The following SCLY variants were observed in gnomAD, a reference collection of about 807,000 sequenced individuals.
SCLY encodes selenocysteine lyase.
Under a neutral mutation model 50.1 loss-of-function variants are expected in SCLY, and 38 were observed. That is an observed-to-expected ratio of 0.76 (90% CI 0.59 to 0.99). The LOEUF (loss-of-function observed/expected upper bound fraction) is 0.99. SCLY is among the 50% of genes least tolerant of loss of function. SCLY has a pLI of 0.00. For missense variants in SCLY, 600 were observed against 620.0 expected, an observed-to-expected ratio of 0.97 and a Z score of 0.34; for synonymous variants, 243 against 249.4, an observed-to-expected ratio of 0.97 and a Z score of 0.24.
Position 238,083,170 on chromosome 2 carries a change from C to A in SCLY, c.778-78C>A. 1 of 990,100 alleles carries A rather than the reference C, an allele frequency of 1.0e-6. No individual in the cohort carries two copies. Among genetic ancestry groups the A allele is most frequent in the Non-Finnish European group, 1.6e-6 (1 of 612,254 alleles). The allele number at this position is 990,100 out of a possible 1,614,324, so 61.3% of individuals were successfully genotyped here. The stretch of plus-strand genomic sequence containing the variant: ...CATTGCAGAGCATTTCTCCTGTGTG[C>A]CCCTAAGCACTTAGCATGTATACAG... On this transcript the variant is annotated intron_variant, in intron 6 of 11. Coordinates refer to ENST00000254663, the MANE Select transcript of SCLY (RefSeq NM_016510.7). This position sits in a 1 kb window ranked among gnomAD's most constrained non-coding sequence, Gnocchi z 4.3.
chr2:238,093,190 C>T (rs34798549), intron 8 of SCLY: 90,765 of 152,532 alleles, frequency 0.6, 27,258 homozygotes, highest in Admixed American at 0.65. Context: ...TTCATGGCCA[C>T]CAACCCTAGA....
chr2:238,098,619 G>A lies in SCLY; in HGVS notation c.*264G>A, dbSNP rs368304491. On this transcript the variant is annotated 3_prime_UTR_variant, in exon 12 of 12. Transcript: ENST00000254663. The stretch of plus-strand genomic sequence containing the variant: ...ACCGCCCACATAGGACCGCCCACAT[G>A]GGACCGCCCACATGGGACCGCCCAC... 0.037 allele frequency: 7,610 copies of A among 206,832 alleles called. 453 individuals carry two copies. Among genetic ancestry groups the A allele is most frequent in the African/African-American group, 0.14 (3,161 of 22,702 alleles). 12.8% of individuals were successfully genotyped at this position (206,832 alleles called of 1,614,324 possible).
chr2:238,091,538 C>A, intron 8 of SCLY: 4 of 453,114 alleles, frequency 8.8e-6, no homozygotes, highest in Non-Finnish European at 8.1e-6. Flanking sequence ...AAGTGTCAAG[C>A]TGCAGGTTCA....
At chr2:238,075,765 C>G (rs530637166) in intron 4 of SCLY, among the ~76,000 whole-genome samples, 1 of 152,076 alleles carries the variant, frequency 6.6e-6, no homozygotes, top group South Asian at 2.1e-4. Flanking sequence ...CTGTCTTGTT[C>G]AATTTAGCTA....
chr2:238,066,724 A>G lies in SCLY; in HGVS notation c.203-1341A>G, dbSNP rs529811972. Among the ~76,000 whole-genome samples, 2 of 152,106 alleles carry G rather than the reference A, an allele frequency of 1.3e-5. No homozygotes were observed. Among genetic ancestry groups the G allele is most frequent in the Non-Finnish European group, 2.9e-5 (2 of 68,016 alleles). On this transcript the variant is annotated intron_variant, in intron 2 of 11. Coordinates refer to ENST00000254663, the MANE Select transcript of SCLY (RefSeq NM_016510.7). This position sits in a 1 kb window ranked among gnomAD's most constrained non-coding sequence, Gnocchi z 4.1. ...CGCTTTTGCCCTGGGCTGCTGAGGGATGGAGTTGCCATTTCCTGAGTGTAT... is the reference window on the plus strand; with the variant it reads ...CGCTTTTGCCCTGGGCTGCTGAGGGGTGGAGTTGCCATTTCCTGAGTGTAT...
intron 7 of SCLY, among the ~76,000 whole-genome samples, chr2:238,086,133 G>A (rs575574493): frequency 4.6e-5 from 7 of 152,306 alleles, no homozygotes; most frequent in South Asian, 2.1e-4. Context: ...AGAGAAAACC[G>A]TCAAGCTAGA....
chr2:238,079,153 C>T (rs1378696920), intron 4 of SCLY: 1 of 147,988 alleles, frequency 6.8e-6, no homozygotes, highest in Non-Finnish European at 1.5e-5. Context: ...CAACTCACTA[C>T]AGCCTCAACC....
rs1256076740 is a variant in SCLY at position 238,096,703 on chromosome 2, G to A, written c.1109-98G>A. ...CTGGAATTCCACCAGGTGGCACAGAGGGAGGGAAGCAGCCTGCGCCCAGCA... is the reference window on the plus strand; with the variant it reads ...CTGGAATTCCACCAGGTGGCACAGAAGGAGGGAAGCAGCCTGCGCCCAGCA... On this transcript the variant is annotated intron_variant, in intron 10 of 11. Coordinates refer to ENST00000254663, the MANE Select transcript of SCLY (RefSeq NM_016510.7). 5.4e-6 allele frequency: 7 copies of A among 1,307,460 alleles called. No individual in the cohort carries two copies. The East Asian group carries it at 1.8e-4, about 33-fold the overall frequency. The allele number at this position is 1,307,460 out of a possible 1,614,324, so 81.0% of individuals were successfully genotyped here.
At chr2:238,082,788 G>C (rs1056983480) in intron 6 of SCLY, 1 of 216,164 alleles carries the variant, frequency 4.6e-6, no homozygotes, top group African/African-American at 2.3e-5. Flanking sequence ...GGTTTCCAAA[G>C]GAGTGTCTAT....
intron 11 of SCLY, 54 bp from the exon 12 acceptor site, chr2:238,098,148 T>C (rs1461744771): frequency 1.0e-5 from 16 of 1,583,554 alleles, no homozygotes; most frequent in Non-Finnish European, 1.4e-5. Flanking sequence ...GGGGGGGCTG[T>C]GTCTCTTCCA....
intron 4 of SCLY, chr2:238,078,513 GCTTACTA>G (rs1189436712): frequency 3.2e-4 from 48 of 151,994 alleles, no homozygotes; most frequent in Middle Eastern, 3.4e-3. Flanking sequence ...GTTGTCAAGG[GCTTACTA>G]TTTATGTATA....
At chr2:238,084,687 G>T (rs2065273144) in intron 7 of SCLY, among the ~76,000 whole-genome samples, 1 of 149,776 alleles carries the variant, frequency 6.7e-6, no homozygotes, top group African/African-American at 2.5e-5. Context: ...AAGGTCAGGA[G>T]ATCGAGACCA....
In SCLY at chr2:238,098,441, G is replaced by T. The variant is rs1003828995; in HGVS notation, c.*86G>T. The T allele has an allele frequency of 5.0e-6, 7 of 1,397,914 alleles. No individual in the cohort carries two copies. Among genetic ancestry groups the T allele is most frequent in the Non-Finnish European group, 6.7e-6 (7 of 1,050,570 alleles). 86.6% of individuals were successfully genotyped at this position (1,397,914 alleles called of 1,614,324 possible). A position where few individuals can be genotyped will look rare whatever the true frequency, so the allele number is the denominator to read the frequency against. On this transcript the variant is annotated 3_prime_UTR_variant, in exon 12 of 12. Transcript: ENST00000254663. ...CCTCCAGTTCCCTCCTGAGGGCTGT[G>T]CCAGGATGACTGTCTCATGCCCCCT...
Position 238,083,374 on chromosome 2 carries a change from A to G in SCLY, c.884+20A>G. 1 of 1,516,650 alleles carries G rather than the reference A, an allele frequency of 6.6e-7. No individual in the cohort carries two copies. Among genetic ancestry groups the G allele is most frequent in the Non-Finnish European group, 9.2e-7 (1 of 1,091,266 alleles). 93.9% of individuals were successfully genotyped at this position (1,516,650 alleles called of 1,614,324 possible). A position where few individuals can be genotyped will look rare whatever the true frequency, so the allele number is the denominator to read the frequency against. ...GCCAGGGTAAGGCAGAAAGTTAACA[A>G]AGTCTCTGACCTACTGACCGTGTCA... On this transcript the variant is annotated intron_variant, in intron 7 of 11. Coordinates refer to ENST00000254663, the MANE Select transcript of SCLY (RefSeq NM_016510.7). This position sits in a 1 kb window ranked among gnomAD's most constrained non-coding sequence, Gnocchi z 4.3.
At chr2:238,074,787 T>G (rs923954143) in intron 4 of SCLY, among the ~76,000 whole-genome samples, 2 of 152,198 alleles carry the variant, frequency 1.3e-5, no homozygotes, top group African/African-American at 4.8e-5. Context: ...CGTGGCCTAA[T>G]TGTTAGTTTC....
rs2065256561 is a variant in SCLY at position 238,083,252 on chromosome 2, A to G, written c.782A>G (p.Tyr261Cys). 1 of 1,609,748 alleles carries G rather than the reference A, an allele frequency of 6.2e-7. No individual in the cohort carries two copies. The highest frequency in any genetic ancestry group is 1.3e-5 in the African/African-American group (1 of 74,860). Residue 261 changes from tyrosine to cysteine, a missense_variant, in exon 7 of 12, where the codon TAT becomes TGT. Physicochemically the swap from Tyr to Cys is radical, Grantham distance 194 (BLOSUM62 -2). Transcript: ENST00000254663. This position sits in a 1 kb window ranked among gnomAD's most constrained non-coding sequence, Gnocchi z 4.3. ...ATGACCAACTTTTCCTTCCAGTTTT[A>G]TGGTCCCAGGATTGGCGCACTTTAT... is the stretch of plus-strand genomic sequence containing the variant. Reference protein sequence around the residue: ...DFLTIVGHKFYGPRIGALYIR... With the variant: ...DFLTIVGHKFCGPRIGALYIR...
chr2:238,091,556 CAAAG>C, intron 8 of SCLY: 57 of 348,998 alleles, frequency 1.6e-4, no homozygotes, highest in South Asian at 3.0e-4. Context: ...TCACCATTCC[CAAAG>C]GCGTCGGCAG....
At chr2:238,068,188 C>A (rs1006223526) in intron 3 of SCLY, 23 bp downstream of exon 3, 3 of 1,422,404 alleles carry the variant, frequency 2.1e-6, no homozygotes, top group Non-Finnish European at 2.9e-6. Context: ...AACACACTCA[C>A]ATTCTGTTAA....
chr2:238,090,961 C>T (rs571434680), intron 7 of SCLY, among the ~76,000 whole-genome samples: 2 of 148,632 alleles, frequency 1.3e-5, no homozygotes, highest in South Asian at 4.6e-4. Context: ...GGAAAAGGGT[C>T]CAGATAGAAC....
Sources: allele counts gnomAD v4.1 joint callset (sites outside exome capture counted in the v4.1 genomes callset), GRCh38; gene constraint gnomAD v4.1.1; non-coding constraint Gnocchi (gnomAD v3.1); transcripts MANE v1.5; gene names NCBI Gene and HGNC (gene_info 2026-07-23, HGNC 2026-07-21).